Variants in MGAT4C observed in about 807,000 individuals in gnomAD.
MGAT4C encodes the protein alpha-1,3-mannosyl-glycoprotein 4-beta-N-acetylglucosaminyltransferase C.
Under a neutral mutation model 40.1 loss-of-function variants are expected in MGAT4C, and 19 were observed. The ratio of observed to expected loss-of-function variants is 0.47; its 90% CI spans 0.33 to 0.70. MGAT4C has a LOEUF of 0.70. MGAT4C is among the 30% of genes least tolerant of loss of function. MGAT4C has a pLI of 0.02. For synonymous variants in MGAT4C, 181 were observed against 187.1 expected (o/e 0.97, Z 0.27); for missense variants, 491 against 563.2 (o/e 0.87, Z 1.30).
intron 2 of MGAT4C, among the ~76,000 whole-genome samples, chr12:86,546,262 C>T (rs1267064219): frequency 6.6e-6 from 1 of 151,740 alleles, no homozygotes; most frequent in Non-Finnish European, 1.5e-5. Context: ...AAACTCTTTA[C>T]TTTTTCTAGG....
intron 3 of MGAT4C, among the ~76,000 whole-genome samples, chr12:86,383,204 G>A (rs577038171): frequency 1.1e-4 from 16 of 152,286 alleles, no homozygotes; most frequent in East Asian, 5.8e-4. Context: ...CTGCATCAGC[G>A]TGACCTGGAC....
chr12:86,123,550 A>C (rs1393868839), intron 1 of MGAT4C, among the ~76,000 whole-genome samples: 2 of 152,146 alleles, frequency 1.3e-5, no homozygotes, highest in Non-Finnish European at 2.9e-5. Flanking sequence ...AGAATTAATA[A>C]TAATGACAAG....
At chr12:86,290,203 T>G (rs907557697) in intron 4 of MGAT4C, among the ~76,000 whole-genome samples, 2 of 152,116 alleles carry the variant, frequency 1.3e-5, no homozygotes, top group Non-Finnish European at 2.9e-5. Context: ...TGCGCCACTG[T>G]GCCCAGCTAA....
chr12:86,135,689 G>A (rs184720754), intron 1 of MGAT4C, among the ~76,000 whole-genome samples: 26 of 152,252 alleles, frequency 1.7e-4, no homozygotes, highest in South Asian at 8.3e-4. Flanking sequence ...TAAACTACAT[G>A]CTTTCCTGTG....
chr12:86,383,710 A>C (rs1955997747), intron 3 of MGAT4C, among the ~76,000 whole-genome samples: 1 of 152,118 alleles, frequency 6.6e-6, no homozygotes, highest in South Asian at 2.1e-4. Flanking sequence ...CCAGAAAGTA[A>C]CTAACTTGGT....
intron 4 of MGAT4C, among the ~76,000 whole-genome samples, chr12:86,325,687 G>A (rs558919007): frequency 6.6e-6 from 1 of 152,212 alleles, no homozygotes; most frequent in South Asian, 2.1e-4. Flanking sequence ...AGACCAGCCT[G>A]GGCAATATGT....
chr12:86,152,698 T>C (rs1262468291), intron 1 of MGAT4C, among the ~76,000 whole-genome samples: 1 of 152,190 alleles, frequency 6.6e-6, no homozygotes, highest in Admixed American at 6.5e-5. Flanking sequence ...AAGTATTTAG[T>C]GATTTAGCAA....
chr12:86,389,015 T>C (rs1956116615), intron 3 of MGAT4C, among the ~76,000 whole-genome samples: 1 of 152,126 alleles, frequency 6.6e-6, no homozygotes, highest in Non-Finnish European at 1.5e-5. Context: ...TTTTTTCTTC[T>C]AGTATATGTA....
chr12:86,015,750 T>G (rs1889027242), intron 2 of MGAT4C: 1 of 152,216 alleles, frequency 6.6e-6, no homozygotes, highest in African/African-American at 2.4e-5. Flanking sequence ...GTGCTTTCAT[T>G]TAGTGCCTTG....
At chr12:86,212,913 A>G (rs1472134320) in intron 1 of MGAT4C, among the ~76,000 whole-genome samples, 1 of 147,492 alleles carries the variant, frequency 6.8e-6, no homozygotes, top group East Asian at 2.0e-4. Context: ...AAAAAAAAAA[A>G]AAAAAAAAGA....
chr12:86,455,289 G>T (rs965119131), intron 2 of MGAT4C, among the ~76,000 whole-genome samples: 1 of 152,050 alleles, frequency 6.6e-6, no homozygotes, highest in African/African-American at 2.4e-5. Flanking sequence ...AAAAGGCAAT[G>T]GGTGTATATA....
At chr12:86,694,114 T>G (rs1462423860) in intron 2 of MGAT4C, among the ~76,000 whole-genome samples, 2 of 152,178 alleles carry the variant, frequency 1.3e-5, no homozygotes, top group East Asian at 3.8e-4. Flanking sequence ...AATTTCCAAA[T>G]ACATTATCAT....
chr12:86,069,141 A>G (rs565168051), intron 1 of MGAT4C, among the ~76,000 whole-genome samples: 1 of 142,112 alleles, frequency 7.0e-6, no homozygotes, highest in African/African-American at 2.5e-5. Flanking sequence ...TTTTTCTGGA[A>G]TTTGGTCATG....
At chr12:86,357,490 GAGA>G (rs1955342896) in intron 3 of MGAT4C, among the ~76,000 whole-genome samples, 1 of 152,156 alleles carries the variant, frequency 6.6e-6, no homozygotes, top group African/African-American at 2.4e-5. Context: ...GACAAGTTGA[GAGA>G]AGAAGGCTTC....
At chr12:86,485,365 A>T (rs547617040) in intron 2 of MGAT4C, among the ~76,000 whole-genome samples, 80 of 152,198 alleles carry the variant, frequency 5.3e-4, no homozygotes, top group Non-Finnish European at 8.5e-4. Flanking sequence ...GAGCTGAGGA[A>T]AAAAGAGCCA....
At chr12:86,749,133 G>A (rs1951196947) in intron 1 of MGAT4C, among the ~76,000 whole-genome samples, 1 of 151,522 alleles carries the variant, frequency 6.6e-6, no homozygotes, top group Admixed American at 6.6e-5. Flanking sequence ...CATGTTTAAA[G>A]TAATGTTAAG....
intron 2 of MGAT4C, among the ~76,000 whole-genome samples, chr12:86,610,547 T>TTTTTTG (rs1366913776): frequency 2.3e-5 from 1 of 44,410 alleles, no homozygotes; most frequent in African/African-American, 7.1e-5. Context: ...AGGGCAACAG[T>TTTTTTG]TTTTTTGTTT....
intron 2 of MGAT4C, among the ~76,000 whole-genome samples, chr12:85,998,313 T>A (rs1259400523): frequency 1.3e-5 from 2 of 152,148 alleles, no homozygotes; most frequent in African/African-American, 2.4e-5. Context: ...TGGAAGGGGC[T>A]GCCATGAAGA....
At chr12:86,667,173 G>T (rs1964131605) in intron 2 of MGAT4C, among the ~76,000 whole-genome samples, 1 of 152,160 alleles carries the variant, frequency 6.6e-6, no homozygotes, top group South Asian at 2.1e-4. Context: ...AAAATATTAA[G>T]AGGAGGAGGA....
Sources: gnomAD v4.1 joint callset for allele counts (sites outside exome capture counted in the v4.1 genomes callset) on GRCh38, gnomAD v4.1.1 for gene constraint, MANE v1.5 for transcripts, NCBI Gene and HGNC (gene_info 2026-07-23, HGNC 2026-07-21) for gene names.